The following RANBP10 variants were observed in gnomAD, a reference collection of about 807,000 sequenced individuals.
RANBP10 encodes ran-binding protein 10.
A neutral mutation model predicts 72.8 loss-of-function variants in RANBP10; 24 were observed. The observed-to-expected ratio is 0.33, with a 90% CI of 0.24 to 0.46. The LOEUF is 0.46. Among genes scored for constraint, RANBP10 ranks in the 20% least tolerant of loss-of-function variants. RANBP10 has a pLI of 1.00. For missense variants in RANBP10, 679 were observed against 817.5 expected (o/e 0.83, Z 2.07); for synonymous variants, 310 against 322.3 (o/e 0.96, Z 0.41).
In RANBP10 at chr16:67,731,608, G is replaced by A. The variant is rs1210658430; in HGVS notation, c.777-24C>T. ...TGCTAGAAGAAAGGAAGAGCTTCAG[G>A]TGACACTCAAGAACTGCACTTCTCA... On this transcript the variant is annotated intron_variant, in intron 6 of 13. Transcript: ENST00000317506. 1.9e-6 allele frequency: 3 copies of A among 1,577,600 alleles called. 1 individual carries two copies. In the South Asian group the frequency reaches 3.3e-5, roughly 18 times the overall value.
At chr16:67,771,352 A>T (rs937191750) in intron 3 of RANBP10, among the ~76,000 whole-genome samples, 23 of 148,146 alleles carry the variant, frequency 1.6e-4, no homozygotes, top group African/African-American at 4.2e-4. Context: ...TATTTATTTT[A>T]TTTTTTTTTT....
At chr16:67,780,608 T>C (rs2054793299) in intron 2 of RANBP10, among the ~76,000 whole-genome samples, 1 of 152,116 alleles carries the variant, frequency 6.6e-6, no homozygotes, top group African/African-American at 2.4e-5. Context: ...AGGGTACAGC[T>C]GATCAAACAG....
intron 4 of RANBP10, among the ~76,000 whole-genome samples, chr16:67,739,264 C>T (rs1050099658): frequency 2.6e-5 from 4 of 152,320 alleles, no homozygotes; most frequent in Non-Finnish European, 5.9e-5. Flanking sequence ...CCGCACCTCG[C>T]CCCTTTTCCA....
rs1268374640 is a variant in RANBP10, at chr16:67,727,806, C to T, written c.1565G>A (p.Ser522Asn). The T allele has an allele frequency of 1.2e-6, 2 of 1,614,100 alleles. No individual in the cohort carries two copies. Among genetic ancestry groups the T allele is most frequent in the East Asian group, 2.2e-5 (1 of 44,892 alleles). The change falls in exon 12 of 14, where the codon AGT becomes AAT. Residue 522 changes from serine to asparagine, a missense_variant. Coordinates refer to ENST00000317506, the MANE Select transcript of RANBP10 (RefSeq NM_020850.3). The part of the protein sequence containing the change: ...ILFGRELQAL[S>N]EQLGREYGKN... ...GCCGTACTCCCGGCCCAACTGCTCA[C>T]TCAATGCCTGCAACTCGCGGCCAAA...
chr16:67,735,116 C>CTGCT, intron 5 of RANBP10, 74 bp from the exon 6 acceptor site: 1 of 1,377,634 alleles, frequency 7.3e-7, no homozygotes. Flanking sequence ...ACCTCCATGG[C>CTGCT]TGCTGCTGGC....
At chr16:67,771,896 G>T in intron 3 of RANBP10, 138 bp downstream of exon 3, 1 of 963,672 alleles carries the variant, frequency 1.0e-6, no homozygotes, top group Non-Finnish European at 1.6e-6. Context: ...TACCTTTCAG[G>T]ATCCTCCAAC....
chr16:67,772,288 A>G (rs550381705), intron 2 of RANBP10, among the ~76,000 whole-genome samples: 3 of 152,294 alleles, frequency 2.0e-5, no homozygotes, highest in East Asian at 1.9e-4. Context: ...TCACCCAGCT[A>G]GAGAAAACAG....
intron 13 of RANBP10, 69 bp from the exon 14 acceptor site, chr16:67,726,627 G>C (rs913785931): frequency 3.4e-6 from 5 of 1,488,018 alleles, no homozygotes; most frequent in African/African-American, 2.8e-5. Flanking sequence ...AGTTCCCTTG[G>C]GGGTGGAAGG....
chr16:67,801,782 C>T (rs1243590376), intron 2 of RANBP10, among the ~76,000 whole-genome samples: 2 of 151,784 alleles, frequency 1.3e-5, no homozygotes, highest in African/African-American at 4.8e-5. Context: ...CAGCAAGATC[C>T]CATCTCTATA....
chr16:67,787,837 G>GA lies in RANBP10; in HGVS notation c.348-15752dup, dbSNP rs964957689. ...GTAACATAGCGAGATTCTGTCTCTAGAAAAAAAAAAATTTTTTTTTGAGAT... is the reference window on the plus strand; with the variant it reads ...GTAACATAGCGAGATTCTGTCTCTAGAAAAAAAAAAAATTTTTTTTTGAGAT... On this transcript the variant is annotated intron_variant, in intron 2 of 13. Transcript: ENST00000317506. Among the ~76,000 whole-genome samples the GA allele has an allele frequency of 1.6e-4, 24 of 149,326 alleles. No homozygotes were observed. In the South Asian group the frequency reaches 1.9e-3, roughly 12 times the overall value.
intron 4 of RANBP10, among the ~76,000 whole-genome samples, chr16:67,742,076 T>C (rs79350790): frequency 6.6e-6 from 1 of 150,602 alleles, no homozygotes. Context: ...AGTGATTCTT[T>C]TTTTTTTTTT....
intron 2 of RANBP10, among the ~76,000 whole-genome samples, chr16:67,796,299 T>C (rs528474511): frequency 1.3e-5 from 2 of 152,170 alleles, no homozygotes; most frequent in African/African-American, 2.4e-5. Flanking sequence ...TCCATTTTTT[T>C]AAAAAGTCCA....
Position 67,728,493 on chromosome 16 carries a change from C to G in RANBP10, c.1371G>C (p.Met457Ile). 6.2e-7 allele frequency: 1 copy of G among 1,614,148 alleles called. No individual in the cohort carries two copies. The highest frequency in any genetic ancestry group is 1.1e-5 in the South Asian group (1 of 91,080). Reference protein sequence around the residue: ...NQETSDSEMEMEAEHYPNGVL... With the variant: ...NQETSDSEMEIEAEHYPNGVL... ...CACCGTTGGGGTAGTGCTCTGCCTCCATCTCCATCTCACTGTCGCTGTGGG... is the reference window on the plus strand; with the variant it reads ...CACCGTTGGGGTAGTGCTCTGCCTCGATCTCCATCTCACTGTCGCTGTGGG... Residue 457 changes from methionine (M) to isoleucine (I), a missense_variant, in exon 11 of 14, where the codon ATG (methionine) becomes ATC (isoleucine). Coordinates refer to ENST00000317506, the MANE Select transcript of RANBP10 (RefSeq NM_020850.3).
Position 67,731,600 on chromosome 16 carries a change from A to C in RANBP10, c.777-16T>G. ...TGAAACCATGCTAGAAGAAAGGAAGAGCTTCAGGTGACACTCAAGAACTGC... is the reference window on the plus strand; with the variant it reads ...TGAAACCATGCTAGAAGAAAGGAAGCGCTTCAGGTGACACTCAAGAACTGC... On this transcript the variant is annotated splice_polypyrimidine_tract_variant and intron_variant, in intron 6 of 13. Transcript: ENST00000317506. The C allele has an allele frequency of 6.3e-7, 1 of 1,595,376 alleles. No homozygotes were observed. Among genetic ancestry groups the C allele is most frequent in the East Asian group, 2.2e-5 (1 of 44,736 alleles).
At chr16:67,783,999 C>G (rs562719513) in intron 2 of RANBP10, among the ~76,000 whole-genome samples, 1 of 146,876 alleles carries the variant, frequency 6.8e-6, no homozygotes, top group African/African-American at 2.5e-5. Context: ...GCCAAGATGG[C>G]GCCACTGCAC....
chr16:67,770,894 G>A (rs1309567523), intron 3 of RANBP10, among the ~76,000 whole-genome samples: 1 of 152,186 alleles, frequency 6.6e-6, no homozygotes, highest in Non-Finnish European at 1.5e-5. Flanking sequence ...GGTTGAGAAG[G>A]TGGTGCCAAG....
At chr16:67,760,507 G>A (rs2054376237) in intron 3 of RANBP10, among the ~76,000 whole-genome samples, 1 of 152,202 alleles carries the variant, frequency 6.6e-6, no homozygotes, top group South Asian at 2.1e-4. Context: ...TCTAGGGGAA[G>A]GAAAGATGCT....
At chr16:67,777,978 G>A (rs2054738731) in intron 2 of RANBP10, among the ~76,000 whole-genome samples, 1 of 152,194 alleles carries the variant, frequency 6.6e-6, no homozygotes, top group African/African-American at 2.4e-5. Flanking sequence ...TTTCAACAAG[G>A]ATGCTAAGAC....
intron 3 of RANBP10, 72 bp downstream of exon 3, chr16:67,771,962 G>A (rs2054614639): frequency 1.9e-6 from 3 of 1,544,746 alleles, no homozygotes; most frequent in South Asian, 2.4e-5. Context: ...CAGCCTCTCT[G>A]CTACCACCAT....
Sources: gnomAD v4.1 joint callset for allele counts (sites outside exome capture counted in the v4.1 genomes callset) on GRCh38, gnomAD v4.1.1 for gene constraint, MANE v1.5 for transcripts, NCBI Gene and HGNC (gene_info 2026-07-23, HGNC 2026-07-21) for gene names.